Variants in FARSB observed in about 807,000 individuals in gnomAD.
The protein encoded by FARSB is phenylalanyl-tRNA synthetase subunit beta.
Under a neutral mutation model 69.6 loss-of-function variants are expected in FARSB, and 40 were observed. That is an observed-to-expected ratio of 0.57 (90% CI 0.45 to 0.75). The LOEUF is 0.75. FARSB is among the 30% of genes least tolerant of loss of function. FARSB has a pLI of 0.00. For missense variants in FARSB, 632 were observed against 722.9 expected (o/e 0.87, Z 1.44); for synonymous variants, 235 against 247.2 (o/e 0.95, Z 0.46).
chr2:222,633,399 A>C, intron 6 of FARSB, 92 bp from the exon 7 acceptor site: 3 of 620,836 alleles, frequency 4.8e-6, no homozygotes. Flanking sequence ...AAAAGAAGAG[A>C]ACGCCAGGTG....
intron 16 of FARSB, among the ~76,000 whole-genome samples, chr2:222,598,803 G>T (rs923374697): frequency 6.6e-6 from 1 of 151,854 alleles, no homozygotes; most frequent in African/African-American, 2.4e-5. Flanking sequence ...TCATAAAACC[G>T]GGCTCGTGGG....
chr2:222,627,341 A>T (rs923739283), intron 10 of FARSB, among the ~76,000 whole-genome samples: 7 of 152,120 alleles, frequency 4.6e-5, no homozygotes, highest in African/African-American at 1.7e-4. Flanking sequence ...CCTGCAACCA[A>T]CCCCAAGTCA....
chr2:222,642,908 C>G lies in FARSB; in HGVS notation c.212G>C (p.Arg71Thr). ...TCCTTCCAGACACAGGAGATCATAT[C>G]TATTGGCAGGGACGTCAATTTTGTA... ...VLYKIDVPANRYDLLCLEGLV... is the reference protein window; with the variant it reads ...VLYKIDVPANTYDLLCLEGLV... Residue 71 changes from arginine to threonine, a missense_variant, in exon 3 of 17, where the codon AGA (arginine) becomes ACA (threonine). Transcript: ENST00000281828. The G allele has an allele frequency of 1.2e-6, 2 of 1,613,328 alleles. No individual in the cohort carries two copies. The highest frequency in any genetic ancestry group is 1.7e-6 in the Non-Finnish European group (2 of 1,179,326).
At chr2:222,646,145 C>T (rs186484155) in intron 2 of FARSB, among the ~76,000 whole-genome samples, 5 of 152,138 alleles carry the variant, frequency 3.3e-5, no homozygotes, top group South Asian at 4.2e-4. Flanking sequence ...ATAATTATTC[C>T]GACTAGATTA....
chr2:222,636,385 CAAAA>C (rs34295305), intron 5 of FARSB, among the ~76,000 whole-genome samples: 2 of 96,704 alleles, frequency 2.1e-5, no homozygotes, highest in Non-Finnish European at 2.1e-5. Context: ...GACTCTATCT[CAAAA>C]AAAAAAAAAA....
intron 16 of FARSB, 25 bp from the exon 17 acceptor site, chr2:222,572,047 A>C: frequency 6.2e-7 from 1 of 1,601,474 alleles, no homozygotes. Context: ...GTAAGAGAAA[A>C]ATCAATGTTT....
chr2:222,585,028 C>A (rs1006236641), intron 16 of FARSB, among the ~76,000 whole-genome samples: 2 of 152,136 alleles, frequency 1.3e-5, no homozygotes, highest in African/African-American at 4.8e-5. Context: ...ATCTGAGAAC[C>A]GACAGACTGC....
chr2:222,611,893 A>G (rs2106208338), intron 15 of FARSB, among the ~76,000 whole-genome samples: 1 of 152,316 alleles, frequency 6.6e-6, no homozygotes, highest in Non-Finnish European at 1.5e-5. Context: ...AGAACCGTGC[A>G]TGGCCCTCAG....
At chr2:222,577,975 G>A (rs1003399108) in intron 16 of FARSB, among the ~76,000 whole-genome samples, 1 of 152,154 alleles carries the variant, frequency 6.6e-6, no homozygotes, top group Admixed American at 6.5e-5. Flanking sequence ...AATGTTGGAA[G>A]AGCTTCAAGA....
At chr2:222,654,414 A>G (rs1379826896) in intron 1 of FARSB, among the ~76,000 whole-genome samples, 1 of 152,242 alleles carries the variant, frequency 6.6e-6, no homozygotes, top group Non-Finnish European at 1.5e-5. Flanking sequence ...TTTCATGTTT[A>G]GACTTGGTCC....
intron 16 of FARSB, among the ~76,000 whole-genome samples, chr2:222,590,345 T>A (rs2106189062): frequency 6.6e-6 from 1 of 151,500 alleles, no homozygotes; most frequent in South Asian, 2.1e-4. Flanking sequence ...AAGTGGAACA[T>A]CACATACCGG....
chr2:222,592,482 T>A (rs1482536646), intron 16 of FARSB, among the ~76,000 whole-genome samples: 1 of 152,036 alleles, frequency 6.6e-6, no homozygotes, highest in Non-Finnish European at 1.5e-5. Flanking sequence ...TGCATAAAAC[T>A]GCTGATACCT....
In FARSB at chr2:222,569,880, T is replaced by C. The variant is rs552533054; in HGVS notation, c.*1991A>G. Reference sequence around the variant, plus strand: ...TACTATAAGTAACACTGTGAACACTTGCATAAAAATCTTTGGCCATATGGG... The same window carrying C: ...TACTATAAGTAACACTGTGAACACTCGCATAAAAATCTTTGGCCATATGGG... On this transcript the variant is annotated 3_prime_UTR_variant, in exon 17 of 17. Coordinates refer to ENST00000281828, the MANE Select transcript of FARSB (RefSeq NM_005687.5). Among the ~76,000 whole-genome samples the C allele has an allele frequency of 6.6e-5, 10 of 152,290 alleles. No homozygotes were observed. The South Asian group carries it at 1.2e-3, about 19-fold the overall frequency.
intron 14 of FARSB, among the ~76,000 whole-genome samples, chr2:222,616,334 G>A (rs1213541930): frequency 2.6e-5 from 4 of 152,078 alleles, no homozygotes; most frequent in Non-Finnish European, 5.9e-5. Flanking sequence ...GGATCACGAG[G>A]TCAGGAGATT....
Position 222,644,225 on chromosome 2 carries a change from T to C in FARSB, c.115-1220A>G, listed in dbSNP as rs1365657250. Among the ~76,000 whole-genome samples, 3 of 152,306 alleles carry C rather than the reference T, an allele frequency of 2.0e-5. No homozygotes were observed. In the East Asian group the frequency reaches 5.8e-4, roughly 29 times the overall value. The stretch of plus-strand genomic sequence containing the variant: ...GAAATTCACTTCTGGCCACGAGTAT[T>C]ATGTGCCAAAGTCCCACCTGAGGAA... On this transcript the variant is annotated intron_variant, in intron 2 of 16. Transcript: ENST00000281828.
At chr2:222,649,234 T>TAAAAA (rs71961708) in intron 1 of FARSB, among the ~76,000 whole-genome samples, 2 of 88,292 alleles carry the variant, frequency 2.3e-5, no homozygotes, top group Admixed American at 1.4e-4. Flanking sequence ...CTCAAAAAAT[T>TAAAAA]AAAAAAAAAA....
intron 1 of FARSB, among the ~76,000 whole-genome samples, chr2:222,655,772 G>A (rs1034071575): frequency 2.6e-5 from 4 of 152,220 alleles, no homozygotes; most frequent in African/African-American, 9.6e-5. Context: ...GTAGGCACTC[G>A]ATGGCAGATC....
At chr2:222,598,752 G>A (rs1055414750) in intron 16 of FARSB, among the ~76,000 whole-genome samples, 6 of 152,012 alleles carry the variant, frequency 3.9e-5, no homozygotes, top group Admixed American at 2.0e-4. Context: ...TGCATGACCC[G>A]GCTCCGGCTT....
At chr2:222,652,216 G>T (rs796266712) in intron 1 of FARSB, among the ~76,000 whole-genome samples, 21 of 152,310 alleles carry the variant, frequency 1.4e-4, no homozygotes, top group African/African-American at 4.8e-4. Flanking sequence ...TTTAGATGAT[G>T]AGATTCTAGA....
Sources: gnomAD v4.1 joint callset for allele counts (sites outside exome capture counted in the v4.1 genomes callset) on GRCh38, gnomAD v4.1.1 for gene constraint, MANE v1.5 for transcripts, NCBI Gene and HGNC (gene_info 2026-07-23, HGNC 2026-07-21) for gene names.